Variants in CHAT observed in about 807,000 individuals in gnomAD.
CHAT encodes choline O-acetyltransferase.
In CHAT, 61 loss-of-function variants were observed where a neutral mutation model predicts 76.9. The ratio of observed to expected loss-of-function variants is 0.79; its 90% confidence interval spans 0.65 to 0.98. The LOEUF is 0.98. Among genes scored for constraint, CHAT ranks in the 50% least tolerant of loss-of-function variants. CHAT has a pLI of 0.00. For missense variants in CHAT, 946 were observed against 986.9 expected, an observed-to-expected ratio of 0.96 and a Z score of 0.56; for synonymous variants, 407 against 397.4, an observed-to-expected ratio of 1.02 and a Z score of -0.29.
chr10:49,621,982 G>T, intron 4 of CHAT, 115 bp from the exon 5 acceptor site: 2 of 1,174,424 alleles, frequency 1.7e-6, no homozygotes, highest in Non-Finnish European at 1.3e-6. Context: ...GAGAAGGGAG[G>T]GAAGAGGAAG....
intron 4 of CHAT, 42 bp downstream of exon 4, chr10:49,620,655 C>A (rs762927598): frequency 2.0e-6 from 3 of 1,489,976 alleles, no homozygotes; most frequent in Middle Eastern, 1.7e-4. Context: ...GGGGACCCAC[C>A]CAAGGCAGGG....
At chr10:49,652,176 C>G (rs578190399) in intron 11 of CHAT, among the ~76,000 whole-genome samples, 170 bp downstream of exon 11, 1 of 152,260 alleles carries the variant, frequency 6.6e-6, no homozygotes, top group East Asian at 1.9e-4. Context: ...GGTTACAAAT[C>G]CAACCTCAGA....
chr10:49,652,477 G>A (rs753713457), intron 11 of CHAT, among the ~76,000 whole-genome samples: 19 of 152,094 alleles, frequency 1.2e-4, no homozygotes, highest in Non-Finnish European at 2.1e-4. Flanking sequence ...TCGTATCCCC[G>A]CACACTGCCA....
At chr10:49,657,181 G>T (rs7081647) in intron 13 of CHAT, among the ~76,000 whole-genome samples, 66,721 of 151,982 alleles carry the variant, frequency 0.44, 15,064 homozygotes, top group Non-Finnish European at 0.46. Context: ...GTGCCAGAAG[G>T]TTCAGTGTCT....
intron 3 of CHAT, 45 bp downstream of exon 3, chr10:49,619,961 A>G: frequency 6.4e-7 from 1 of 1,570,860 alleles, no homozygotes; most frequent in Non-Finnish European, 8.7e-7. Context: ...GGCGGGAGGC[A>G]GACCTGGAGA....
At chr10:49,614,026 C>T (rs1838375561), upstream of CHAT, 3 of 1,277,664 alleles carry the variant, frequency 2.3e-6, no homozygotes, top group African/African-American at 2.9e-5. Flanking sequence ...TGGGGAAGTG[C>T]GGTGACTGGG....
intron 8 of CHAT, among the ~76,000 whole-genome samples, chr10:49,648,157 G>A (rs1442685118): frequency 6.6e-6 from 1 of 152,164 alleles, no homozygotes; most frequent in Non-Finnish European, 1.5e-5. Flanking sequence ...TGTGAGCTAT[G>A]ACAGGAAACA....
chr10:49,622,034 G>GTGGGAGA (rs1838742274), intron 4 of CHAT, 63 bp from the exon 5 acceptor site: 2 of 1,498,508 alleles, frequency 1.3e-6, no homozygotes, highest in Non-Finnish European at 9.3e-7. Flanking sequence ...AGGCAGAAGG[G>GTGGGAGA]AGGGAGGGAG....
intron 3 of CHAT, 128 bp downstream of exon 3, chr10:49,620,044 G>A: frequency 1.1e-6 from 1 of 926,174 alleles, no homozygotes. Context: ...CAGGGATGGG[G>A]GATAGGTGTG....
chr10:49,661,284 T>C (rs1221694289), intron 13 of CHAT: 1 of 152,086 alleles, frequency 6.6e-6, no homozygotes, highest in Non-Finnish European at 1.5e-5. Context: ...GAGGGGTGAG[T>C]TGACTGTTCA....
In CHAT at chr10:49,662,619, C is replaced by T. The variant is rs1382475886; in HGVS notation, c.1840-26C>T. On this transcript the variant is annotated intron_variant, in intron 13 of 14. Coordinates refer to ENST00000337653, the MANE Select transcript of CHAT (RefSeq NM_020549.5). ...GGTGCAGGAGGCCCACTTCTCATCT[C>T]CTGTTCTTTGTCCCCAACTACACAG... 10 of 1,613,720 alleles carry T rather than the reference C, an allele frequency of 6.2e-6. No individual in the cohort carries two copies. The African/African-American group carries it at 1.2e-4, about 19-fold the overall frequency.
chr10:49,616,678 T>A, intron 2 of CHAT, 76 bp downstream of exon 2: 1 of 1,041,220 alleles, frequency 9.6e-7, no homozygotes, highest in Non-Finnish European at 1.5e-6. Context: ...CAGTCCTGAG[T>A]GGGACTGGCC....
intron 14 of CHAT, among the ~76,000 whole-genome samples, chr10:49,663,588 T>C (rs1353951429): frequency 1.3e-5 from 2 of 152,158 alleles, no homozygotes; most frequent in Non-Finnish European, 1.5e-5. Flanking sequence ...GTGTCCTGTA[T>C]GAGAGCCACT....
In CHAT at chr10:49,649,610, A is replaced by G. The variant is rs151031033; in HGVS notation, c.1485A>G (p.Leu495=). 3.7e-6 allele frequency: 6 copies of G among 1,613,742 alleles called. No homozygotes were observed. The highest frequency in any genetic ancestry group is 2.2e-5 in the East Asian group (1 of 44,880). The change falls in exon 10 of 15, where the codon TTA becomes TTG. Residue 495 remains leucine (L), a synonymous_variant. Transcript: ENST00000337653. The part of the protein sequence containing the change: ...WKCSPEIQGH[L]ASSAEKLQRI... ...GCTCCCCGGAAATTCAAGGCCACTTAGCCTCCTCGGCAGAAAAACTTCAAC... is the reference window on the plus strand; with the variant it reads ...GCTCCCCGGAAATTCAAGGCCACTTGGCCTCCTCGGCAGAAAAACTTCAAC...
intron 7 of CHAT, among the ~76,000 whole-genome samples, chr10:49,643,210 C>A (rs1839544540): frequency 6.6e-6 from 1 of 152,236 alleles, no homozygotes; most frequent in Non-Finnish European, 1.5e-5. Flanking sequence ...ATAGTAGGTG[C>A]TCAACAAAGG....
chr10:49,641,539 C>T (rs1839480692), intron 7 of CHAT, among the ~76,000 whole-genome samples: 1 of 152,144 alleles, frequency 6.6e-6, no homozygotes, highest in African/African-American at 2.4e-5. Flanking sequence ...TGTTTGAATT[C>T]TCATAGTCTC....
rs1840367722 is a variant in CHAT at position 49,667,760 on chromosome 10, T to G, written c.*2714T>G. Among the ~76,000 whole-genome samples, 1 of 152,264 alleles carries G rather than the reference T, an allele frequency of 6.6e-6. No individual in the cohort carries two copies. Among genetic ancestry groups the G allele is most frequent in the Non-Finnish European group, 1.5e-5 (1 of 68,044 alleles). On this transcript the variant is annotated 3_prime_UTR_variant, in exon 15 of 15. Coordinates refer to ENST00000337653, the MANE Select transcript of CHAT (RefSeq NM_020549.5). ...ATATAAAGTTAATATTTGAGTTCTA[T>G]TTTTATAAAATAGTTCTAGATTTAT...
rs1840357975 is a variant in CHAT at position 49,667,211 on chromosome 10, G to A, written c.*2165G>A. Among the ~76,000 whole-genome samples, 1 of 152,174 alleles carries A rather than the reference G, an allele frequency of 6.6e-6. No homozygotes were observed. The highest frequency in any genetic ancestry group is 1.5e-5 in the Non-Finnish European group (1 of 68,038). On this transcript the variant is annotated 3_prime_UTR_variant, in exon 15 of 15. Transcript: ENST00000337653. ...AAGACACAGGGGCCAGGAGAGAAAA[G>A]GGAGGAAAGAACTAAGTCTCTCCTA... is the stretch of plus-strand genomic sequence containing the variant.
Position 49,666,125 on chromosome 10 carries a change from C to A in CHAT, c.*1079C>A, listed in dbSNP as rs1590632217. ...CTATCCAGGGACTCTGACAAAAACC[C>A]ATGTGGTAGAGCCTAGAGCAGGGCT... On this transcript the variant is annotated 3_prime_UTR_variant, in exon 15 of 15. Transcript: ENST00000337653. Among the ~76,000 whole-genome samples the A allele has an allele frequency of 6.6e-6, 1 of 152,170 alleles. No homozygotes were observed. The highest frequency in any genetic ancestry group is 1.9e-4 in the East Asian group (1 of 5,180).
Sources: allele counts gnomAD v4.1 joint callset (sites outside exome capture counted in the v4.1 genomes callset), GRCh38; gene constraint gnomAD v4.1.1; transcripts MANE v1.5; gene names NCBI Gene and HGNC (gene_info 2026-07-23, HGNC 2026-07-21).